Variants in HABP2 observed in about 807,000 individuals in gnomAD.
The protein encoded by HABP2 is factor VII-activating protease.
HABP2 carries 65 observed loss-of-function variants against 66.5 expected under a neutral mutation model. The observed-to-expected ratio is 0.98, with a 90% CI of 0.80 to 1.20. HABP2 has a LOEUF of 1.20. Ranked by LOEUF, HABP2 falls within the 50% of genes most tolerant of loss-of-function variation. The pLI is 0.00. For missense variants in HABP2, 786 were observed against 691.0 expected, an observed-to-expected ratio of 1.14 and a Z score of -1.54; for synonymous variants, 263 against 253.9, an observed-to-expected ratio of 1.04 and a Z score of -0.34.
chr10:113,568,446 A>G (rs1205438830), intron 2 of HABP2, among the ~76,000 whole-genome samples: 1 of 152,190 alleles, frequency 6.6e-6, no homozygotes, highest in African/African-American at 2.4e-5. Context: ...CCAGCAGCAA[A>G]CCCTGGATGG....
intron 8 of HABP2, among the ~76,000 whole-genome samples, chr10:113,581,388 C>T (rs1845527394): frequency 6.6e-6 from 1 of 152,222 alleles, no homozygotes; most frequent in South Asian, 2.1e-4. Context: ...ACTGCTCTCT[C>T]CTTTTGTGTC....
At chr10:113,579,845 C>A (rs1845486778) in intron 7 of HABP2, among the ~76,000 whole-genome samples, 1 of 151,912 alleles carries the variant, frequency 6.6e-6, no homozygotes, top group African/African-American at 2.4e-5. Context: ...TGCAGTGGCA[C>A]CATCTCAGCT....
intron 2 of HABP2, chr10:113,569,856 C>T: frequency 6.6e-6 from 1 of 152,436 alleles, no homozygotes; most frequent in Non-Finnish European, 1.5e-5. Context: ...GCCGTCTGTG[C>T]CACAGTGATG....
chr10:113,574,203 G>C, intron 2 of HABP2, 86 bp from the exon 3 acceptor site: 5 of 725,990 alleles, frequency 6.9e-6, no homozygotes, highest in Non-Finnish European at 1.2e-5. Flanking sequence ...TGAATTCTTT[G>C]GGGAAAAGGT....
At chr10:113,570,159 G>A (rs1338037532) in intron 2 of HABP2, 1 of 152,212 alleles carries the variant, frequency 6.6e-6, no homozygotes, top group East Asian at 1.9e-4. Flanking sequence ...GAGTTAGGTA[G>A]ACCTGGGTTA....
chr10:113,583,807 A>G (rs1845585411), intron 10 of HABP2, among the ~76,000 whole-genome samples: 1 of 152,192 alleles, frequency 6.6e-6, no homozygotes, highest in Non-Finnish European at 1.5e-5. Flanking sequence ...CCTAGCTACC[A>G]GCTGCTCAGT....
intron 1 of HABP2, among the ~76,000 whole-genome samples, chr10:113,561,311 T>A (rs1845096329): frequency 6.6e-6 from 1 of 152,130 alleles, no homozygotes; most frequent in South Asian, 2.1e-4. Flanking sequence ...AAGAACAACA[T>A]GAGGGAGGAT....
chr10:113,588,325 C>T lies in HABP2; in HGVS notation c.1639C>T (p.Leu547=), dbSNP rs1053152690. The T allele has an allele frequency of 2.5e-6, 4 of 1,613,602 alleles. No individual in the cohort carries two copies. The Admixed American group carries it at 5.0e-5, about 20-fold the overall frequency. The change falls in exon 13 of 13, where the codon CTG becomes TTG. Residue 547 remains leucine, a synonymous_variant. Coordinates refer to ENST00000351270, the MANE Select transcript of HABP2 (RefSeq NM_004132.5). ...PGVYTQVTKF[L]NWIKATIKSE... is the part of the protein sequence containing the mutation. ...GGTCTACACCCAAGTTACCAAATTC[C>T]TGAATTGGATCAAAGCCACCATCAA...
intron 1 of HABP2, among the ~76,000 whole-genome samples, chr10:113,555,708 CAT>C (rs373475210): frequency 4.5e-4 from 68 of 152,284 alleles, no homozygotes; most frequent in African/African-American, 1.5e-3. Flanking sequence ...GTTTTCCTAA[CAT>C]ATCATTTTTG....
upstream of HABP2, among the ~76,000 whole-genome samples, chr10:113,551,492 C>T (rs2133731796): frequency 6.6e-6 from 1 of 152,204 alleles, no homozygotes; most frequent in South Asian, 2.1e-4. Flanking sequence ...CAGAGTAGGG[C>T]TAGAGAAGAA....
chr10:113,567,125 A>T (rs147223847), intron 1 of HABP2, among the ~76,000 whole-genome samples: 1 of 152,272 alleles, frequency 6.6e-6, no homozygotes, highest in African/African-American at 2.4e-5. Context: ...GGGCTGTTAT[A>T]AGTATGAAAT....
chr10:113,586,893 A>T (rs949777997), intron 12 of HABP2, among the ~76,000 whole-genome samples: 1 of 152,184 alleles, frequency 6.6e-6, no homozygotes, highest in African/African-American at 2.4e-5. Context: ...TCCTCTCTCC[A>T]GGGTTTGTGG....
chr10:113,579,402 T>C (rs1242024793), intron 7 of HABP2, among the ~76,000 whole-genome samples: 3 of 152,180 alleles, frequency 2.0e-5, no homozygotes, highest in Non-Finnish European at 4.4e-5. Context: ...AAGCATGAGT[T>C]TTTCTCTACC....
intron 1 of HABP2, among the ~76,000 whole-genome samples, chr10:113,561,779 T>A (rs1298366020): frequency 1.3e-5 from 2 of 152,222 alleles, no homozygotes; most frequent in East Asian, 3.8e-4. Flanking sequence ...ACTGTTAGGC[T>A]TTTTGTTTTG....
At chr10:113,573,810 T>C (rs1845356562) in intron 2 of HABP2, among the ~76,000 whole-genome samples, 1 of 152,224 alleles carries the variant, frequency 6.6e-6, no homozygotes. Context: ...TTCATTCAGC[T>C]TGGTGACTAA....
In HABP2 at chr10:113,580,661, A is replaced by C. The variant is rs764289580; in HGVS notation, c.807A>C (p.Glu269Asp). The part of the protein sequence containing the change: ...IKVTNDKVKW[E>D]YCDVSACSAQ... ...TTACCAATGACAAGGTGAAATGGGA[A>C]TACTGTGATGTCTCAGCCTGCTCAG... The change falls in exon 8 of 13, where the codon GAA becomes GAC. Residue 269 changes from glutamate to aspartate, a missense_variant. Physicochemically the swap from Glu to Asp is conservative, Grantham distance 45. Coordinates refer to ENST00000351270, the MANE Select transcript of HABP2 (RefSeq NM_004132.5). 3.8e-5 allele frequency: 61 copies of C among 1,596,184 alleles called. No individual in the cohort carries two copies. The highest frequency in any genetic ancestry group is 4.8e-5 in the Non-Finnish European group (56 of 1,163,794).
At chr10:113,573,293 C>G (rs559878212) in intron 2 of HABP2, among the ~76,000 whole-genome samples, 4 of 152,374 alleles carry the variant, frequency 2.6e-5, no homozygotes, top group East Asian at 3.9e-4. Flanking sequence ...GCCAACCTTA[C>G]ACATACCTGT....
intron 4 of HABP2, among the ~76,000 whole-genome samples, chr10:113,576,296 T>A (rs1845408222): frequency 6.6e-6 from 1 of 151,902 alleles, no homozygotes; most frequent in African/African-American, 2.4e-5. Flanking sequence ...GTGCTTAGAG[T>A]TTAGTCTAAC....
chr10:113,574,187 G>A lies in HABP2; in HGVS notation c.107-102G>A, dbSNP rs536326058. 3.6e-4 allele frequency: 246 copies of A among 690,742 alleles called. 3 individuals carry two copies. In the South Asian group the frequency reaches 3.8e-3, roughly 11 times the overall value. 42.8% of individuals were successfully genotyped at this position (690,742 alleles called of 1,614,324 possible). ...GGAGAGACACATGATTCCTCCTGCA[G>A]GACTTTGAATTCTTTGGGGAAAAGG... On this transcript the variant is annotated intron_variant, in intron 2 of 12. Transcript: ENST00000351270.
Sources: allele counts gnomAD v4.1 joint callset (sites outside exome capture counted in the v4.1 genomes callset), GRCh38; gene constraint gnomAD v4.1.1; transcripts MANE v1.5; gene names NCBI Gene and HGNC (gene_info 2026-07-23, HGNC 2026-07-21).